The following AGMO variants were observed in gnomAD, a reference collection of about 807,000 sequenced individuals.
AGMO encodes the protein alkylglycerol monooxygenase, also known as glyceryl-ether monooxygenase.
AGMO carries 75 observed loss-of-function variants against 60.2 expected under a neutral mutation model. The ratio of observed to expected loss-of-function variants is 1.25; its 90% CI spans 1.03 to 1.51. AGMO has a LOEUF of 1.51. Among genes scored for constraint, AGMO ranks in the 40% most tolerant of loss-of-function variants. AGMO has a pLI of 0.00. For missense variants in AGMO, 763 were observed against 525.5 expected, an observed-to-expected ratio of 1.45 and a Z score of -4.42; for synonymous variants, 261 against 177.1, an observed-to-expected ratio of 1.47 and a Z score of -3.76.
intron 12 of AGMO, among the ~76,000 whole-genome samples, chr7:15,315,588 G>A (rs1241230677): frequency 6.6e-6 from 1 of 151,850 alleles, no homozygotes; most frequent in Non-Finnish European, 1.5e-5. Context: ...TGCCCACCTA[G>A]GCCTCCCACA....
intron 12 of AGMO, among the ~76,000 whole-genome samples, chr7:15,335,019 T>A (rs73064528): frequency 6.6e-6 from 1 of 152,162 alleles, no homozygotes; most frequent in Non-Finnish European, 1.5e-5. Context: ...AGCTTTATGT[T>A]GTAAATTTAA....
chr7:15,402,086 C>T (rs1784565358), intron 5 of AGMO, among the ~76,000 whole-genome samples: 1 of 151,996 alleles, frequency 6.6e-6, no homozygotes, highest in African/African-American at 2.4e-5. Flanking sequence ...AAATCTTTGT[C>T]ATGTTAGATT....
At position 15,530,292 on chromosome 7, in the gene AGMO, TATATACGTATTTCCATATATATTC is replaced by T. The variant is rs1384356466; in HGVS notation, c.409+14456_409+14479del. On this transcript the variant is annotated intron_variant, in intron 3 of 12. Transcript: ENST00000342526. The stretch of plus-strand genomic sequence containing the variant: ...TATATACGTATTTCCATATATATTC[TATATACGTATTTCCATATATATTC>T]TATATACGTATTTCCATATATATTC... Among the ~76,000 whole-genome samples, 279 of 42,740 alleles carry T rather than the reference TATATACGTATTTCCATATATATTC, an allele frequency of 6.5e-3. 19 individuals are homozygous for T. The highest frequency in any genetic ancestry group is 0.021 in the African/African-American group (263 of 12,388). The allele number at this position is 42,740 out of a possible 152,430, so 28.0% of individuals were successfully genotyped here.
Position 15,369,481 on chromosome 7 carries a change from C to T in AGMO, c.1075-3259G>A, listed in dbSNP as rs149140831. Among the ~76,000 whole-genome samples, 678 of 152,204 alleles carry T rather than the reference C, an allele frequency of 4.5e-3. 2 individuals carry two copies. Among genetic ancestry groups the T allele is most frequent in the African/African-American group, 0.015 (612 of 41,544 alleles). The stretch of plus-strand genomic sequence containing the variant: ...TCCTGGACATGACAAACATTTTCCC[C>T]ACTCAAGTCTGTTTCACCTACTATT... On this transcript the variant is annotated intron_variant, in intron 10 of 12. Coordinates refer to ENST00000342526, the MANE Select transcript of AGMO (RefSeq NM_001004320.2).
chr7:15,554,111 C>T (rs1289736825), intron 2 of AGMO, among the ~76,000 whole-genome samples: 2 of 152,174 alleles, frequency 1.3e-5, no homozygotes, highest in East Asian at 3.9e-4. Flanking sequence ...CTCTGGAAAG[C>T]CCTGGATTGC....
chr7:15,247,597 C>T (rs770274968), intron 12 of AGMO, among the ~76,000 whole-genome samples: 1 of 151,960 alleles, frequency 6.6e-6, no homozygotes, highest in Non-Finnish European at 1.5e-5. Flanking sequence ...CAGACACATT[C>T]ACAGTGAAAC....
Position 15,252,221 on chromosome 7 carries a change from G to C in AGMO, c.1264-50862C>G, listed in dbSNP as rs189592910. ...TAAGTATTATGGAGAAAAGGAACTA[G>C]AGAAGGATCAGAAGGGTTAGTAGTG... On this transcript the variant is annotated intron_variant, in intron 12 of 12. Transcript: ENST00000342526. Among the ~76,000 whole-genome samples, 337 of 152,304 alleles carry C rather than the reference G, an allele frequency of 2.2e-3. 3 individuals carry two copies. The highest frequency in any genetic ancestry group is 7.2e-3 in the African/African-American group (298 of 41,568).
At chr7:15,130,949 A>T in the AGMO span, among the ~76,000 whole-genome samples, 1 of 152,180 alleles carries the variant, frequency 6.6e-6, no homozygotes, top group Non-Finnish European at 1.5e-5. Context: ...TGGCTTATGA[A>T]AAAGAATTTT....
Position 15,238,433 on chromosome 7 carries a change from C to G in AGMO, c.1264-37074G>C, listed in dbSNP as rs149030860. Among the ~76,000 whole-genome samples the G allele has an allele frequency of 1.1e-4, 17 of 151,722 alleles. No individual in the cohort carries two copies. The East Asian group carries it at 3.3e-3, about 29-fold the overall frequency. ...AAAATTGTGTTTAATATTCCCAACA[C>G]GAAGAAAATAAATATTTGAGTTGAT... is the stretch of plus-strand genomic sequence containing the variant. On this transcript the variant is annotated intron_variant, in intron 12 of 12. Coordinates refer to ENST00000342526, the MANE Select transcript of AGMO (RefSeq NM_001004320.2).
intron 12 of AGMO, among the ~76,000 whole-genome samples, chr7:15,238,735 C>A (rs887868938): frequency 8.6e-5 from 13 of 151,572 alleles, no homozygotes; most frequent in Admixed American, 2.0e-4. Context: ...CAAATTGCAC[C>A]AATTAAGGGA....
intron 12 of AGMO, among the ~76,000 whole-genome samples, chr7:15,221,220 AG>A (rs1781911785): frequency 6.6e-6 from 1 of 152,156 alleles, no homozygotes; most frequent in Non-Finnish European, 1.5e-5. Flanking sequence ...TCAGAGTTAC[AG>A]GGTGACTTCC....
intron 12 of AGMO, among the ~76,000 whole-genome samples, chr7:15,216,833 A>ATGTGTGT (rs112966024): frequency 6.8e-6 from 1 of 147,024 alleles, no homozygotes; most frequent in Non-Finnish European, 1.5e-5. Context: ...TGAAAGAAAA[A>ATGTGTGT]GTGTGTGTGT....
At position 15,266,125 on chromosome 7, in the gene AGMO, CA is replaced by C. The variant is rs548670351; in HGVS notation, c.1264-64767del. ...AGGAGAATGGTGGTTGACAGGGGAT[CA>C]GGGGAGAAGGAATGGGAGTTATTGT... On this transcript the variant is annotated intron_variant, in intron 12 of 12. Transcript: ENST00000342526. 4.3e-4 allele frequency among the ~76,000 whole-genome samples: 65 copies of C among 151,960 alleles called. 1 individual carries two copies. The South Asian group carries it at 5.6e-3, about 13-fold the overall frequency.
chr7:15,371,223 T>G (rs2128565331), intron 10 of AGMO, among the ~76,000 whole-genome samples: 1 of 151,930 alleles, frequency 6.6e-6, no homozygotes, highest in African/African-American at 2.4e-5. Flanking sequence ...ATAACAATGT[T>G]TTATTTTATT....
chr7:15,378,502 C>T (rs1205885798), intron 10 of AGMO, among the ~76,000 whole-genome samples: 2 of 151,940 alleles, frequency 1.3e-5, no homozygotes, highest in African/African-American at 2.4e-5. Context: ...CCTAACTATC[C>T]TAAATATGTA....
intron 3 of AGMO, among the ~76,000 whole-genome samples, chr7:15,468,628 C>T (rs2128511473): frequency 6.6e-6 from 1 of 152,042 alleles, no homozygotes; most frequent in East Asian, 1.9e-4. Flanking sequence ...TTCAGATTAT[C>T]TTCAAAGTAT....
chr7:15,449,652 G>C (rs1781806978), intron 3 of AGMO, among the ~76,000 whole-genome samples: 1 of 152,144 alleles, frequency 6.6e-6, no homozygotes, highest in African/African-American at 2.4e-5. Flanking sequence ...TACACTCTAT[G>C]AGGTTTGCAT....
At chr7:15,432,324 A>G (rs34377155) in intron 3 of AGMO, among the ~76,000 whole-genome samples, 65,761 of 134,830 alleles carry the variant, frequency 0.49, 16,354 homozygotes, top group Middle Eastern at 0.61. Context: ...GTGTGTGTAT[A>G]TATGTATATA....
intron 3 of AGMO, among the ~76,000 whole-genome samples, chr7:15,491,597 A>G (rs1313541927): frequency 6.6e-6 from 1 of 152,226 alleles, no homozygotes; most frequent in East Asian, 1.9e-4. Context: ...ATAAATCACC[A>G]TGTCCTATGG....
Sources: allele counts gnomAD v4.1 joint callset (sites outside exome capture counted in the v4.1 genomes callset), GRCh38; gene constraint gnomAD v4.1.1; transcripts MANE v1.5; gene names NCBI Gene and HGNC (gene_info 2026-07-23, HGNC 2026-07-21).